TGIF2: variants seen among roughly 807,000 people sequenced by gnomAD.
The protein encoded by TGIF2 is TGFB induced factor homeobox 2.
TGIF2 carries 5 observed loss-of-function variants against 15.1 expected under a neutral mutation model. The observed-to-expected ratio is 0.33, with a 90% CI of 0.17 to 0.70. The LOEUF is 0.70. Ranked by LOEUF, TGIF2 falls within the 30% of genes least tolerant of loss-of-function variation. The pLI is 0.67. For missense variants in TGIF2, 264 were observed against 302.5 expected (o/e 0.87, Z 0.94); for synonymous variants, 131 against 128.9 (o/e 1.02, Z -0.11).
At position 36,579,027 on chromosome 20, in the gene TGIF2, C is replaced by T. The variant is rs1412112933; in HGVS notation, c.192+61C>T. 3 of 1,561,258 alleles carry T rather than the reference C, an allele frequency of 1.9e-6. No individual in the cohort carries two copies. In the African/African-American group the frequency reaches 4.1e-5, roughly 21 times the overall value. ...GACCTGGGTTCTAGTCCTATTCCAG[C>T]TGTGTCACTGAGTCACTGTGGTCTT... On this transcript the variant is annotated intron_variant, in intron 2 of 2. Coordinates refer to ENST00000373872, the MANE Select transcript of TGIF2 (RefSeq NM_021809.7).
chr20:36,590,176 C>T (rs540868105), intron 2 of TGIF2, among the ~76,000 whole-genome samples: 10 of 152,040 alleles, frequency 6.6e-5, no homozygotes, highest in South Asian at 6.2e-4. Context: ...AGGCTGGTCT[C>T]GAATCCCTGG....
intron 2 of TGIF2, among the ~76,000 whole-genome samples, chr20:36,587,621 C>T (rs2038686349): frequency 6.6e-6 from 1 of 152,054 alleles, no homozygotes; most frequent in Admixed American, 6.6e-5. Context: ...GGGTGGCTGC[C>T]CAGAACCAGG....
intron 2 of TGIF2, among the ~76,000 whole-genome samples, chr20:36,587,389 G>A (rs147134573): frequency 3.3e-5 from 5 of 152,128 alleles, no homozygotes; most frequent in Non-Finnish European, 5.9e-5. Flanking sequence ...TGCCCAGACT[G>A]CCCTCCATGA....
Position 36,592,242 on chromosome 20 carries a change from A to G in TGIF2, c.*811A>G, listed in dbSNP as rs2038781181. On this transcript the variant is annotated 3_prime_UTR_variant, in exon 3 of 3. Coordinates refer to ENST00000373872, the MANE Select transcript of TGIF2 (RefSeq NM_021809.7). ...GCACAGAAGGGTAGAAAGCCACAGC[A>G]GGGGGCAGTCCAGCAGACTCTGACT... 6.6e-6 allele frequency: 1 copy of G among 152,130 alleles called. No individual in the cohort carries two copies. The highest frequency in any genetic ancestry group is 2.4e-5 in the African/African-American group (1 of 41,428). The allele number at this position is 152,130 out of a possible 1,614,324, so 9.4% of individuals were successfully genotyped here. A position where few individuals can be genotyped will look rare whatever the true frequency, so the allele number is the denominator to read the frequency against.
intron 1 of TGIF2, among the ~76,000 whole-genome samples, chr20:36,577,573 C>T (rs1460382103): frequency 3.4e-5 from 5 of 147,874 alleles, no homozygotes; most frequent in Non-Finnish European, 5.9e-5. Context: ...GGCTGGAGTG[C>T]GGTGGCACGA....
intron 2 of TGIF2, among the ~76,000 whole-genome samples, chr20:36,584,672 G>A (rs1056531395): frequency 5.9e-5 from 9 of 151,398 alleles, no homozygotes; most frequent in African/African-American, 1.9e-4. Context: ...CCAGCCTCCC[G>A]AGTAGCTGGG....
At chr20:36,589,534 A>G (rs2038726599) in intron 2 of TGIF2, among the ~76,000 whole-genome samples, 1 of 151,996 alleles carries the variant, frequency 6.6e-6, no homozygotes. Flanking sequence ...CTGGGACTAC[A>G]GGCGCGTGCC....
At position 36,581,789 on chromosome 20, in the gene TGIF2, C is replaced by T. The variant is rs918027880; in HGVS notation, c.192+2823C>T. Among the ~76,000 whole-genome samples, 5 of 152,136 alleles carry T rather than the reference C, an allele frequency of 3.3e-5. No homozygotes were observed. In the East Asian group the frequency reaches 9.8e-4, roughly 30 times the overall value. ...GATTACAGGTGCATGCCCCTACGCC[C>T]AGCTAATTTTTGTATTTTAAGTAGA... On this transcript the variant is annotated intron_variant, in intron 2 of 2. Transcript: ENST00000373872.
At chr20:36,584,616 A>G (rs2147931767) in intron 2 of TGIF2, among the ~76,000 whole-genome samples, 1 of 150,990 alleles carries the variant, frequency 6.6e-6, no homozygotes, top group Non-Finnish European at 1.5e-5. Flanking sequence ...GCGCAATCTC[A>G]GTTCACTGCA....
intron 2 of TGIF2, among the ~76,000 whole-genome samples, chr20:36,581,360 T>TGCCTTCA (rs894305652): frequency 6.4e-4 from 98 of 152,238 alleles, no homozygotes; most frequent in Admixed American, 2.5e-3. Flanking sequence ...CGGGTCTCCC[T>TGCCTTCA]GCCTTCAGCC....
chr20:36,581,994 G>T (rs1017346213), intron 2 of TGIF2, among the ~76,000 whole-genome samples: 1 of 151,922 alleles, frequency 6.6e-6, no homozygotes, highest in East Asian at 2.0e-4. Flanking sequence ...CCAATACTTT[G>T]CGAGGCCGAT....
chr20:36,587,822 T>G (rs1246197805), intron 2 of TGIF2, among the ~76,000 whole-genome samples: 1 of 152,116 alleles, frequency 6.6e-6, no homozygotes, highest in Non-Finnish European at 1.5e-5. Flanking sequence ...CCCAACACTT[T>G]GGGAGGCTGA....
intron 1 of TGIF2, 90 bp from the exon 2 acceptor site, chr20:36,578,651 C>T (rs2038480676): frequency 2.2e-6 from 3 of 1,391,432 alleles, no homozygotes; most frequent in African/African-American, 2.9e-5. Context: ...TTCTGGTGTC[C>T]CAGGCTCAAG....
In TGIF2 at chr20:36,591,340, G is replaced by A. The variant is rs764341947; in HGVS notation, c.623G>A (p.Arg208Lys). 2.5e-6 allele frequency: 4 copies of A among 1,614,186 alleles called. No individual in the cohort carries two copies. The highest frequency in any genetic ancestry group is 1.7e-5 in the Admixed American group (1 of 60,016). The change falls in exon 3 of 3, where the codon AGG becomes AAG. Residue 208 changes from arginine (R) to lysine (K), a missense_variant. Physicochemically the swap from Arg to Lys is conservative, Grantham distance 26 (BLOSUM62 2). Coordinates refer to ENST00000373872, the MANE Select transcript of TGIF2 (RefSeq NM_021809.7). The surrounding 1 kb of genome is among the most constrained non-coding windows in gnomAD (Gnocchi z 5.3). Reference protein sequence around the residue: ...FQLLVEVALQRAAEMELQKQQ... With the variant: ...FQLLVEVALQKAAEMELQKQQ... ...CTGCTGGTGGAGGTGGCGCTACAGA[G>A]GGCTGCTGAGATGGAGCTTCAGAAG...
Position 36,589,593 on chromosome 20 carries a change from A to G in TGIF2, c.193-1317A>G, listed in dbSNP as rs183487406. ...TTTTTAGTAGAGACGGGGTTTCACT[A>G]TGTTGGCCAGGCTGGTCTCAAACTC... On this transcript the variant is annotated intron_variant, in intron 2 of 2. Transcript: ENST00000373872. 2.1e-3 allele frequency among the ~76,000 whole-genome samples: 314 copies of G among 152,008 alleles called. 2 individuals carry two copies. Among genetic ancestry groups the G allele is most frequent in the African/African-American group, 7.1e-3 (295 of 41,462 alleles).
intron 2 of TGIF2, among the ~76,000 whole-genome samples, chr20:36,588,087 A>G (rs1202190050): frequency 6.6e-6 from 1 of 150,466 alleles, no homozygotes; most frequent in African/African-American, 2.4e-5. Context: ...AAAAAAAAAA[A>G]GCACAGCAAA....
In TGIF2 at chr20:36,577,809, C is replaced by T. The variant is rs865989449; in HGVS notation, c.-34-932C>T. ...GATTACAGGCATGAGCCACTGTGCC[C>T]GGCCTTTGTTTTTTGAGACCTTTTT... is the stretch of plus-strand genomic sequence containing the variant. On this transcript the variant is annotated intron_variant, in intron 1 of 2. Coordinates refer to ENST00000373872, the MANE Select transcript of TGIF2 (RefSeq NM_021809.7). Among the ~76,000 whole-genome samples the T allele has an allele frequency of 3.9e-5, 6 of 152,016 alleles. No homozygotes were observed. In the South Asian group the frequency reaches 1.0e-3, roughly 26 times the overall value.
chr20:36,576,999 G>A (rs770525080), intron 1 of TGIF2, among the ~76,000 whole-genome samples: 58 of 151,660 alleles, frequency 3.8e-4, no homozygotes, highest in Non-Finnish European at 8.0e-4. Context: ...GCCACAGCAC[G>A]TGGCATTTTT....
At chr20:36,585,890 A>ATACAGC (rs1419551820) in intron 2 of TGIF2, among the ~76,000 whole-genome samples, 1 of 152,162 alleles carries the variant, frequency 6.6e-6, no homozygotes, top group Non-Finnish European at 1.5e-5. Flanking sequence ...CAGTGGTAGA[A>ATACAGC]TGGGTACCTT....
Sources: allele counts gnomAD v4.1 joint callset (sites outside exome capture counted in the v4.1 genomes callset), GRCh38; gene constraint gnomAD v4.1.1; non-coding constraint Gnocchi (gnomAD v3.1); transcripts MANE v1.5; gene names NCBI Gene and HGNC (gene_info 2026-07-23, HGNC 2026-07-21).